The following ATAD2B variants were observed in gnomAD, a reference collection of about 807,000 sequenced individuals.
ATAD2B encodes ATPase family AAA domain-containing protein 2B.
Under a neutral mutation model 167.6 loss-of-function variants are expected in ATAD2B, and 40 were observed. That is an observed-to-expected ratio of 0.24 (90% confidence interval 0.19 to 0.31). The LOEUF is 0.31. Among genes scored for constraint, ATAD2B ranks in the 10% least tolerant of loss-of-function variants. The pLI is 1.00. For missense variants in ATAD2B, 1,242 were observed against 1,757.2 expected (o/e 0.71, Z 5.24); for synonymous variants, 579 against 596.5 (o/e 0.97, Z 0.43).
chr2:23,691,537 C>A, the ATAD2B span: 1 of 662,860 alleles, frequency 1.5e-6, no homozygotes, highest in South Asian at 1.8e-5. Context: ...GCATTAGGTT[C>A]AGGTGTGTCA....
chr2:23,842,697 G>A (rs930132667), intron 13 of ATAD2B, among the ~76,000 whole-genome samples: 5 of 152,074 alleles, frequency 3.3e-5, no homozygotes, highest in Non-Finnish European at 2.9e-5. Context: ...GACCACAAAA[G>A]GGCAAGAGCT....
intron 1 of ATAD2B, among the ~76,000 whole-genome samples, chr2:23,913,193 T>C (rs1702547441): frequency 6.6e-6 from 1 of 152,148 alleles, no homozygotes; most frequent in African/African-American, 2.4e-5. Context: ...GACAATATAT[T>C]AGGCCACAAA....
intron 14 of ATAD2B, among the ~76,000 whole-genome samples, chr2:23,830,504 C>T (rs1030278320): frequency 6.6e-6 from 1 of 152,166 alleles, no homozygotes; most frequent in Non-Finnish European, 1.5e-5. Context: ...TAACACCTTA[C>T]TGGCTTGATG....
chr2:23,738,155 T>C, the ATAD2B span, among the ~76,000 whole-genome samples: 1 of 152,148 alleles, frequency 6.6e-6, no homozygotes, highest in Non-Finnish European at 1.5e-5. Flanking sequence ...AGTTCCCCAA[T>C]CTAGCAAGGC....
chr2:23,805,178 C>A (rs1265562873), intron 18 of ATAD2B, among the ~76,000 whole-genome samples: 2 of 151,482 alleles, frequency 1.3e-5, no homozygotes, highest in Admixed American at 6.6e-5. Flanking sequence ...GAAAATATTT[C>A]TCTTTCAAAG....
intron 18 of ATAD2B, among the ~76,000 whole-genome samples, chr2:23,808,769 GT>G: frequency 6.6e-6 from 1 of 152,082 alleles, no homozygotes; most frequent in South Asian, 2.1e-4. Flanking sequence ...CTTTAGTAAT[GT>G]TATATTATTC....
At chr2:23,904,922 G>T (rs887079710) in intron 1 of ATAD2B, among the ~76,000 whole-genome samples, 3 of 152,002 alleles carry the variant, frequency 2.0e-5, no homozygotes, top group Non-Finnish European at 4.4e-5. Context: ...TTTATTTAGG[G>T]CCAACACTAT....
the ATAD2B span, among the ~76,000 whole-genome samples, chr2:23,716,759 T>C: frequency 1.3e-5 from 2 of 152,182 alleles, no homozygotes; most frequent in Non-Finnish European, 2.9e-5. Flanking sequence ...GATGTTTCAT[T>C]TGGGGTGACA....
intron 22 of ATAD2B, among the ~76,000 whole-genome samples, chr2:23,776,654 C>T (rs1679180495): frequency 6.6e-6 from 1 of 152,150 alleles, no homozygotes; most frequent in African/African-American, 2.4e-5. Flanking sequence ...TGCTAATCTC[C>T]AGGTAGTGTC....
Position 23,885,644 on chromosome 2 carries a change from C to T in ATAD2B, c.675+83G>A, listed in dbSNP as rs145185339. Reference sequence around the variant, plus strand: ...AGGAACACTCATGCTAATTCAAAAACATCCAACTGTTGCATTCTCCCTTTA... The same window carrying T: ...AGGAACACTCATGCTAATTCAAAAATATCCAACTGTTGCATTCTCCCTTTA... On this transcript the variant is annotated intron_variant, in intron 5 of 27. Coordinates refer to ENST00000238789, the MANE Select transcript of ATAD2B (RefSeq NM_017552.4). 137 of 748,544 alleles carry T rather than the reference C, an allele frequency of 1.8e-4. No individual in the cohort carries two copies. The East Asian group carries it at 4.1e-3, about 23-fold the overall frequency. The allele number at this position is 748,544 out of a possible 1,614,324, so 46.4% of individuals were successfully genotyped here. A position where few individuals can be genotyped will look rare whatever the true frequency, so the allele number is the denominator to read the frequency against.
At chr2:23,896,791 T>G (rs1414984695) in intron 1 of ATAD2B, among the ~76,000 whole-genome samples, 2 of 152,166 alleles carry the variant, frequency 1.3e-5, no homozygotes, top group African/African-American at 4.8e-5. Context: ...CTCCTCAGTC[T>G]CCCTCAATCA....
chr2:23,890,291 C>CA (rs1431031433), intron 2 of ATAD2B, among the ~76,000 whole-genome samples: 10 of 151,178 alleles, frequency 6.6e-5, no homozygotes, highest in Admixed American at 3.3e-4. Flanking sequence ...TTCAGATTGT[C>CA]AAAAAAATAA....
downstream of ATAD2B, among the ~76,000 whole-genome samples, chr2:23,748,257 C>T (rs1375487207): frequency 2.0e-5 from 3 of 152,092 alleles, no homozygotes; most frequent in Non-Finnish European, 4.4e-5. Context: ...CCCTTCAAAA[C>T]TCTGGTATGA....
At chr2:23,878,009 CCAAAGAAAAAA>C (rs1697204394) in intron 7 of ATAD2B, among the ~76,000 whole-genome samples, 1 of 19,456 alleles carries the variant, frequency 5.1e-5, no homozygotes, top group Non-Finnish European at 8.9e-5. Flanking sequence ...GACCCTATCT[CCAAAGAAAAAA>C]AAAAAAAAAA....
At chr2:23,877,367 G>A (rs564615008) in intron 7 of ATAD2B, among the ~76,000 whole-genome samples, 2 of 150,604 alleles carry the variant, frequency 1.3e-5, no homozygotes, top group African/African-American at 2.4e-5. Flanking sequence ...GGTGGCATGC[G>A]CCTGTAATCC....
At chr2:23,862,440 TCA>T (rs957697079) in intron 12 of ATAD2B, among the ~76,000 whole-genome samples, 2 of 132,982 alleles carry the variant, frequency 1.5e-5, no homozygotes, top group African/African-American at 5.7e-5. Flanking sequence ...AGACAGAGTC[TCA>T]CTCTATTGCC....
chr2:23,885,515 G>C (rs888601824), intron 5 of ATAD2B, among the ~76,000 whole-genome samples: 3 of 152,166 alleles, frequency 2.0e-5, no homozygotes, highest in Non-Finnish European at 2.9e-5. Context: ...GACTCATCCA[G>C]CAAAAGTGAA....
At chr2:23,763,581 G>C (rs896966696) in intron 23 of ATAD2B, among the ~76,000 whole-genome samples, 1 of 151,970 alleles carries the variant, frequency 6.6e-6, no homozygotes, top group Non-Finnish European at 1.5e-5. Context: ...TTTTTACTTA[G>C]CATAATGTTT....
intron 18 of ATAD2B, among the ~76,000 whole-genome samples, chr2:23,805,942 TCTTA>T (rs1487511242): frequency 2.0e-5 from 3 of 152,168 alleles, no homozygotes; most frequent in Non-Finnish European, 4.4e-5. Context: ...TATTCTTTCT[TCTTA>T]CTGATTTTAA....
Sources: gnomAD v4.1 joint callset for allele counts (sites outside exome capture counted in the v4.1 genomes callset) on GRCh38, gnomAD v4.1.1 for gene constraint, MANE v1.5 for transcripts, NCBI Gene and HGNC (gene_info 2026-07-23, HGNC 2026-07-21) for gene names.